The following CACNB4 variants were observed in gnomAD, a reference collection of about 807,000 sequenced individuals.
The protein encoded by CACNB4 is calcium voltage-gated channel auxiliary subunit beta 4.
CACNB4 carries 32 observed loss-of-function variants against 71.2 expected under a neutral mutation model. That is an observed-to-expected ratio of 0.45 (90% CI 0.34 to 0.60). The LOEUF (loss-of-function observed/expected upper bound fraction) is 0.60. Among genes scored for constraint, CACNB4 ranks in the 20% least tolerant of loss-of-function variants. CACNB4 has a pLI of 0.01. For missense variants in CACNB4, 464 were observed against 647.9 expected, an observed-to-expected ratio of 0.72 and a Z score of 3.08; for synonymous variants, 231 against 236.9, an observed-to-expected ratio of 0.97 and a Z score of 0.23.
intron 2 of CACNB4, among the ~76,000 whole-genome samples, chr2:151,921,655 G>C (rs2099859060): frequency 6.6e-6 from 1 of 152,058 alleles, no homozygotes; most frequent in African/African-American, 2.4e-5. Context: ...TATTTGATAT[G>C]GTTTGGCTCT....
At chr2:151,994,490 G>C (rs1164864671) in intron 2 of CACNB4, among the ~76,000 whole-genome samples, 1 of 149,778 alleles carries the variant, frequency 6.7e-6, no homozygotes, top group Non-Finnish European at 1.5e-5. Flanking sequence ...ACAGGCGTGA[G>C]CCACCATTCC....
At chr2:152,029,672 C>T (rs1684175833) in intron 2 of CACNB4, among the ~76,000 whole-genome samples, 1 of 151,976 alleles carries the variant, frequency 6.6e-6, no homozygotes, top group African/African-American at 2.4e-5. Flanking sequence ...ATCCTAACCC[C>T]CACGGTGATG....
At chr2:151,879,849 A>C (rs1559921271) in intron 4 of CACNB4, 1 of 152,246 alleles carries the variant, frequency 6.6e-6, no homozygotes, top group Non-Finnish European at 1.5e-5. Context: ...AAAGCAATCA[A>C]ATACAAGGTT....
chr2:151,909,302 G>T (rs2099855593), intron 2 of CACNB4, among the ~76,000 whole-genome samples: 1 of 151,198 alleles, frequency 6.6e-6, no homozygotes, highest in South Asian at 2.1e-4. Context: ...GGGCATGGTG[G>T]CGGGCACCTG....
chr2:151,932,773 T>A (rs1237251476), intron 2 of CACNB4, among the ~76,000 whole-genome samples: 1 of 140,806 alleles, frequency 7.1e-6, no homozygotes, highest in Admixed American at 7.7e-5. Flanking sequence ...GAGGTTGCAG[T>A]GAGCTGAGAT....
At chr2:151,905,533 C>T (rs570258843) in intron 2 of CACNB4, among the ~76,000 whole-genome samples, 1 of 152,236 alleles carries the variant, frequency 6.6e-6, no homozygotes, top group South Asian at 2.1e-4. Flanking sequence ...CAGAGACCTA[C>T]AAAAATAATA....
chr2:152,001,526 TA>T (rs70974816), intron 2 of CACNB4, among the ~76,000 whole-genome samples: 12,854 of 34,814 alleles, frequency 0.37, 1,290 homozygotes, highest in East Asian at 0.5. Context: ...CCATCTCTAC[TA>T]AAAAAAAAAA....
In CACNB4 at chr2:152,098,687, G is replaced by C; in HGVS notation, c.63+262C>G. On this transcript the variant is annotated intron_variant, in intron 1 of 13. Coordinates refer to ENST00000539935, the MANE Select transcript of CACNB4 (RefSeq NM_000726.5). The surrounding 1 kb of genome is among the most constrained non-coding windows in gnomAD (Gnocchi z 5.3). ...TCAGGGTGCGGGGTCCGAGTCCCCGGCATCCGCTGGGGGAGGCTGCGGGCT... is the reference window on the plus strand; with the variant it reads ...TCAGGGTGCGGGGTCCGAGTCCCCGCCATCCGCTGGGGGAGGCTGCGGGCT... 6.4e-7 allele frequency: 1 copy of C among 1,565,742 alleles called. No individual in the cohort carries two copies. Among genetic ancestry groups the C allele is most frequent in the Non-Finnish European group, 8.7e-7 (1 of 1,155,284 alleles).
intron 2 of CACNB4, among the ~76,000 whole-genome samples, chr2:151,957,249 T>C (rs1403186992): frequency 7.1e-6 from 1 of 140,544 alleles, no homozygotes; most frequent in East Asian, 2.2e-4. Flanking sequence ...AAAAGTAGAG[T>C]GGCTGGGCGT....
At chr2:151,928,263 CAG>C (rs1432226763) in intron 2 of CACNB4, among the ~76,000 whole-genome samples, 1 of 152,206 alleles carries the variant, frequency 6.6e-6, no homozygotes, top group Non-Finnish European at 1.5e-5. Context: ...GACTTACAAA[CAG>C]GAGCTTTTGA....
chr2:152,035,616 TCTCCCTCCCTCTCC>T (rs1337135380), intron 2 of CACNB4, among the ~76,000 whole-genome samples: 4 of 87,982 alleles, frequency 4.5e-5, no homozygotes, highest in Non-Finnish European at 6.8e-5. Context: ...TCTCTCTCTC[TCTCCCTCCCTCTCC>T]CTCTCTCTCT....
intron 2 of CACNB4, among the ~76,000 whole-genome samples, chr2:152,036,771 G>A (rs756666106): frequency 3.9e-5 from 6 of 152,168 alleles, no homozygotes; most frequent in Admixed American, 6.6e-5. Context: ...AGAGTATTCT[G>A]TCTTATTTTG....
intron 13 of CACNB4, among the ~76,000 whole-genome samples, chr2:151,840,206 ACATCT>A (rs1346773985): frequency 6.6e-6 from 1 of 152,230 alleles, no homozygotes; most frequent in Non-Finnish European, 1.5e-5. Flanking sequence ...GGGCCCAGAC[ACATCT>A]CATCTAAAGT....
At chr2:152,045,026 G>A (rs1010499692) in intron 2 of CACNB4, among the ~76,000 whole-genome samples, 2 of 152,020 alleles carry the variant, frequency 1.3e-5, no homozygotes, top group Non-Finnish European at 2.9e-5. Flanking sequence ...GTGAAGCAAG[G>A]GCATGAGATG....
intron 2 of CACNB4, among the ~76,000 whole-genome samples, chr2:151,937,551 A>G (rs1360258163): frequency 1.3e-5 from 2 of 152,200 alleles, no homozygotes; most frequent in African/African-American, 2.4e-5. Context: ...ATATTCTGGA[A>G]TGGTACCAGC....
intron 2 of CACNB4, among the ~76,000 whole-genome samples, chr2:152,090,947 C>T (rs766938901): frequency 4.7e-4 from 70 of 147,912 alleles, no homozygotes; most frequent in Middle Eastern, 3.6e-3. Context: ...GGGAGGCTGA[C>T]GCAGGAGAAT....
At chr2:152,060,608 G>C (rs974345118) in intron 2 of CACNB4, among the ~76,000 whole-genome samples, 1 of 152,092 alleles carries the variant, frequency 6.6e-6, no homozygotes, top group African/African-American at 2.4e-5. Flanking sequence ...TTTCAACTTA[G>C]AAAACAACTG....
intron 2 of CACNB4, among the ~76,000 whole-genome samples, chr2:151,939,000 T>C (rs1190225010): frequency 6.6e-6 from 1 of 152,228 alleles, no homozygotes; most frequent in Non-Finnish European, 1.5e-5. Context: ...GCAGATATAA[T>C]ACCTTCCCTG....
At chr2:151,879,369 T>G (rs750064151) in intron 4 of CACNB4, 1 of 152,184 alleles carries the variant, frequency 6.6e-6, no homozygotes, top group Non-Finnish European at 1.5e-5. Flanking sequence ...AAAGTCACTA[T>G]GTAAAATCAA....
Sources: gnomAD v4.1 joint callset for allele counts (sites outside exome capture counted in the v4.1 genomes callset) on GRCh38, gnomAD v4.1.1 for gene constraint, Gnocchi (gnomAD v3.1) non-coding constraint, MANE v1.5 for transcripts, NCBI Gene and HGNC (gene_info 2026-07-23, HGNC 2026-07-21) for gene names.